The following PDE10A variants were observed in gnomAD, a reference collection of about 807,000 sequenced individuals.
PDE10A encodes the protein cAMP and cAMP-inhibited cGMP 3',5'-cyclic phosphodiesterase 10A.
PDE10A carries 39 observed loss-of-function variants against 97.7 expected under a neutral mutation model. The observed-to-expected ratio is 0.40, with a 90% CI of 0.31 to 0.52. The LOEUF (loss-of-function observed/expected upper bound fraction) is 0.52, where lower values mean the gene tolerates loss of function less well. PDE10A is among the 20% of genes least tolerant of loss of function. The pLI is 0.56. For synonymous variants in PDE10A, 371 were observed against 376.8 expected (o/e 0.98, Z 0.18); for missense variants, 731 against 1,047.8 (o/e 0.70, Z 4.17).
intron 1 of PDE10A, among the ~76,000 whole-genome samples, chr6:165,617,798 C>G (rs935222556): frequency 6.6e-6 from 1 of 152,100 alleles, no homozygotes; most frequent in Non-Finnish European, 1.5e-5. Flanking sequence ...GCAGGGTAAA[C>G]CCAACTGACC....
At chr6:165,698,283 G>A (rs9459481) in intron 1 of PDE10A, among the ~76,000 whole-genome samples, 13,435 of 152,168 alleles carry the variant, frequency 0.088, 1,337 homozygotes, top group African/African-American at 0.25. Flanking sequence ...AGTCTCCTCT[G>A]TCTCTACAGA....
intron 21 of PDE10A, 66 bp from the exon 22 acceptor site, chr6:165,333,193 C>G: frequency 3.0e-6 from 3 of 989,576 alleles, no homozygotes; most frequent in Non-Finnish European, 4.9e-6. Context: ...GTCTTGAAAA[C>G]TAACCAAACA....
intron 1 of PDE10A, among the ~76,000 whole-genome samples, chr6:165,625,957 T>C (rs933232945): frequency 4.6e-5 from 7 of 152,306 alleles, no homozygotes; most frequent in Non-Finnish European, 8.8e-5. Context: ...GATCAACTTG[T>C]GAGTTATCAG....
At chr6:165,570,238 T>C (rs764693283) in intron 1 of PDE10A, among the ~76,000 whole-genome samples, 1 of 152,180 alleles carries the variant, frequency 6.6e-6, no homozygotes, top group African/African-American at 2.4e-5. Flanking sequence ...AAAGGCAGAA[T>C]GAATCTTTTA....
At chr6:165,413,060 C>A (rs949298391) in intron 13 of PDE10A, among the ~76,000 whole-genome samples, 1 of 151,878 alleles carries the variant, frequency 6.6e-6, no homozygotes, top group Non-Finnish European at 1.5e-5. Flanking sequence ...ACATGGACAA[C>A]CTGGTGCCTC....
intron 1 of PDE10A, among the ~76,000 whole-genome samples, chr6:165,598,827 G>A (rs1335174773): frequency 6.6e-6 from 1 of 152,148 alleles, no homozygotes; most frequent in African/African-American, 2.4e-5. Context: ...GGGACCTAGA[G>A]GGCCTGCTCT....
At position 165,663,215 on chromosome 6, in the gene PDE10A, T is replaced by TGGCGGCGGC. The variant is rs1357705053; in HGVS notation, c.-413_-405dup. Among the ~76,000 whole-genome samples the TGGCGGCGGC allele has an allele frequency of 1.3e-5, 2 of 151,302 alleles. No homozygotes were observed. The highest frequency in any genetic ancestry group is 6.6e-5 in the Admixed American group (1 of 15,200). Reference sequence around the variant, plus strand: ...GTGCCGCTGCCCGTGGAGGCGGTGGTGGCGGCGGCGGCAGAAGACGCCCAC... The same window carrying TGGCGGCGGC: ...GTGCCGCTGCCCGTGGAGGCGGTGGTGGCGGCGGCGGCGGCGGCGGCAGAAGACGCCCAC... On this transcript the variant is annotated 5_prime_UTR_variant, in exon 1 of 22. Transcript: ENST00000539869.
intron 1 of PDE10A, among the ~76,000 whole-genome samples, chr6:165,560,112 G>C (rs1369209639): frequency 2.0e-5 from 3 of 152,156 alleles, no homozygotes; most frequent in Admixed American, 6.5e-5. Context: ...GCTACAGGTT[G>C]GTCCTAAAAT....
chr6:165,514,439 A>G (rs886542632), intron 2 of PDE10A, among the ~76,000 whole-genome samples: 11 of 152,240 alleles, frequency 7.2e-5, no homozygotes, highest in Admixed American at 7.2e-4. Context: ...TTTAATTACT[A>G]TAAGCCTGTA....
At chr6:165,835,368 G>A (rs568332735) in intron 1 of PDE10A, among the ~76,000 whole-genome samples, 10 of 152,286 alleles carry the variant, frequency 6.6e-5, no homozygotes, top group Non-Finnish European at 1.5e-4. Flanking sequence ...GGCCCATTCC[G>A]CTGGTCACTG....
Position 165,395,279 on chromosome 6 carries a change from G to C in PDE10A, c.2220-15C>G. ...CAAAGTGGAATCTGAAATTTTAAAA[G>C]GGCAGTTTATCACTAAACGTGATTA... On this transcript the variant is annotated splice_polypyrimidine_tract_variant and intron_variant, in intron 14 of 21. Coordinates refer to ENST00000539869, the MANE Select transcript of PDE10A (RefSeq NM_001385079.1). The C allele has an allele frequency of 6.4e-7, 1 of 1,573,272 alleles. No homozygotes were observed. The highest frequency in any genetic ancestry group is 8.7e-7 in the Non-Finnish European group (1 of 1,143,108).
chr6:165,827,760 G>A (rs1043401028), intron 1 of PDE10A, among the ~76,000 whole-genome samples: 1 of 152,168 alleles, frequency 6.6e-6, no homozygotes, highest in Non-Finnish European at 1.5e-5. Flanking sequence ...CGTCACCCAA[G>A]CAGTGCACGC....
intron 1 of PDE10A, among the ~76,000 whole-genome samples, chr6:165,562,914 T>C (rs991864292): frequency 6.6e-6 from 1 of 152,044 alleles, no homozygotes; most frequent in African/African-American, 2.4e-5. Context: ...ATCTAGTGCG[T>C]AGAAGCCGGC....
At chr6:165,460,899 T>G (rs1778287131) in intron 3 of PDE10A, among the ~76,000 whole-genome samples, 1 of 152,014 alleles carries the variant, frequency 6.6e-6, no homozygotes, top group Admixed American at 6.6e-5. Flanking sequence ...CCGCTTCAAG[T>G]GGAAAAACAA....
intron 18 of PDE10A, among the ~76,000 whole-genome samples, chr6:165,363,267 A>G: frequency 6.6e-6 from 1 of 152,218 alleles, no homozygotes; most frequent in East Asian, 1.9e-4. Flanking sequence ...CTGTAATCCC[A>G]GCACTTTGGG....
At chr6:165,889,809 C>A (rs1285700675) in intron 1 of PDE10A, among the ~76,000 whole-genome samples, 1 of 151,744 alleles carries the variant, frequency 6.6e-6, no homozygotes, top group Non-Finnish European at 1.5e-5. Flanking sequence ...ATCATTTCCT[C>A]ACTCACCTAC....
chr6:165,875,746 T>TTTTTTTTTTTTTTTTTTTTTTTTTG (rs780504850), intron 1 of PDE10A, among the ~76,000 whole-genome samples: 1 of 147,012 alleles, frequency 6.8e-6, no homozygotes, highest in African/African-American at 2.6e-5. Context: ...TTTTTTTTTT[T>TTTTTTTTTTTTTTTTTTTTTTTTTG]TGTGTGTGTG....
At chr6:165,818,463 T>C (rs993160534) in intron 1 of PDE10A, among the ~76,000 whole-genome samples, 1 of 152,104 alleles carries the variant, frequency 6.6e-6, no homozygotes, top group Non-Finnish European at 1.5e-5. Context: ...CATGCTGCAA[T>C]CCAGGGGAAG....
Position 165,655,979 on chromosome 6 carries a change from G to C in PDE10A, c.865+5968C>G, listed in dbSNP as rs941474545. Among the ~76,000 whole-genome samples the C allele has an allele frequency of 6.6e-6, 1 of 152,070 alleles. No homozygotes were observed. The highest frequency in any genetic ancestry group is 6.6e-5 in the Admixed American group (1 of 15,260). ...CATTTCTACTGCCCCTGTGAAGAGA[G>C]ACCTGCACAGAACAAGGCAAGGAGC... On this transcript the variant is annotated intron_variant, in intron 1 of 21. Coordinates refer to ENST00000539869, the MANE Select transcript of PDE10A (RefSeq NM_001385079.1). This position sits in a 1 kb window ranked among gnomAD's most constrained non-coding sequence, Gnocchi z 4.5.
Sources: allele counts gnomAD v4.1 joint callset (sites outside exome capture counted in the v4.1 genomes callset), GRCh38; gene constraint gnomAD v4.1.1; non-coding constraint Gnocchi (gnomAD v3.1); transcripts MANE v1.5; gene names NCBI Gene and HGNC (gene_info 2026-07-23, HGNC 2026-07-21).